The following COG5 variants were observed in gnomAD, a reference collection of about 807,000 sequenced individuals.
COG5 encodes the protein conserved oligomeric Golgi complex subunit 5.
In COG5, 86 loss-of-function variants were observed where a neutral mutation model predicts 110.4. That is an observed-to-expected ratio of 0.78 (90% CI 0.65 to 0.93). COG5 has a LOEUF of 0.93. COG5 is among the 40% of genes least tolerant of loss of function. The probability of loss-of-function intolerance (pLI) is 0.00; values close to 1 mark genes in which losing one functional copy is unlikely to be tolerated. For missense variants in COG5, 1,077 were observed against 987.0 expected, an observed-to-expected ratio of 1.09 and a Z score of -1.22; for synonymous variants, 360 against 334.6, an observed-to-expected ratio of 1.08 and a Z score of -0.83.
At chr7:107,356,986 ACT>A (rs1052090073) in intron 10 of COG5, among the ~76,000 whole-genome samples, 30 of 152,072 alleles carry the variant, frequency 2.0e-4, no homozygotes, top group Non-Finnish European at 3.8e-4. Flanking sequence ...TGCATATATC[ACT>A]CTTCAGTGAC....
chr7:107,218,685 T>C (rs1799689457), intron 19 of COG5, among the ~76,000 whole-genome samples: 1 of 151,998 alleles, frequency 6.6e-6, no homozygotes. Context: ...GGTCATACCA[T>C]ATAAAAAATC....
intron 6 of COG5, among the ~76,000 whole-genome samples, chr7:107,501,570 T>G (rs1798636052): frequency 6.6e-6 from 1 of 152,154 alleles, no homozygotes; most frequent in South Asian, 2.1e-4. Context: ...CCTGAATTTT[T>G]TACACTATAT....
chr7:107,204,018 G>T (rs1798560369), intron 21 of COG5, among the ~76,000 whole-genome samples: 1 of 152,188 alleles, frequency 6.6e-6, no homozygotes, highest in Non-Finnish European at 1.5e-5. Flanking sequence ...CCTCTGAAAG[G>T]CACGCTCAAG....
intron 6 of COG5, among the ~76,000 whole-genome samples, chr7:107,476,890 G>A (rs1797029779): frequency 6.6e-6 from 1 of 151,412 alleles, no homozygotes; most frequent in South Asian, 2.1e-4. Flanking sequence ...CTAATCCTTG[G>A]AGAAATGAAT....
chr7:107,284,228 T>C (rs1463027597), intron 12 of COG5, among the ~76,000 whole-genome samples: 1 of 152,172 alleles, frequency 6.6e-6, no homozygotes, highest in South Asian at 2.1e-4. Context: ...CCGGCCTATA[T>C]TAACATTTTA....
intron 6 of COG5, among the ~76,000 whole-genome samples, chr7:107,423,415 G>A (rs1303735535): frequency 6.6e-6 from 1 of 152,126 alleles, no homozygotes; most frequent in Non-Finnish European, 1.5e-5. Context: ...GATTATCTGA[G>A]TTGATCTAGA....
intron 7 of COG5, among the ~76,000 whole-genome samples, chr7:107,399,129 G>T (rs1791236937): frequency 6.6e-6 from 1 of 152,054 alleles, no homozygotes; most frequent in Admixed American, 6.5e-5. Flanking sequence ...TTGATTCCAG[G>T]AGATGGAGGT....
At chr7:107,320,577 GATGC>G (rs1349120153) in intron 11 of COG5, among the ~76,000 whole-genome samples, 1 of 152,182 alleles carries the variant, frequency 6.6e-6, no homozygotes, top group Non-Finnish European at 1.5e-5. Context: ...CCTAAGTCAT[GATGC>G]ATATCAAGGG....
chr7:107,492,163 T>A (rs1337989993), intron 6 of COG5, among the ~76,000 whole-genome samples: 3 of 98,616 alleles, frequency 3.0e-5, no homozygotes, highest in Non-Finnish European at 4.6e-5. Context: ...AAAACAACAA[T>A]GGGTAGTGTG....
chr7:107,329,496 A>G (rs1244745322), intron 10 of COG5, among the ~76,000 whole-genome samples: 1 of 152,170 alleles, frequency 6.6e-6, no homozygotes, highest in African/African-American at 2.4e-5. Context: ...ATACACATAT[A>G]TAATAGTATA....
At position 107,395,541 on chromosome 7, in the gene COG5, CTTTTTTTTTTTTTTTTTTTT is replaced by C. The variant is rs67581814; in HGVS notation, c.669+16941_669+16960del. The stretch of plus-strand genomic sequence containing the variant: ...AAATCGTCTTTACCATGAAGCAGAT[CTTTTTTTTTTTTTTTTTTTT>C]TTTTTTTTTTGAGAAGGAATTTTAC... On this transcript the variant is annotated intron_variant, in intron 7 of 21. Coordinates refer to ENST00000297135, the MANE Select transcript of COG5 (RefSeq NM_006348.5). 8.2e-4 allele frequency among the ~76,000 whole-genome samples: 41 copies of C among 50,044 alleles called. 2 individuals are homozygous for C. In the South Asian group the frequency reaches 0.029, roughly 35 times the overall value. 32.8% of individuals were successfully genotyped at this position (50,044 alleles called of 152,430 possible).
At chr7:107,387,618 CCTCT>C (rs1790306192) in intron 7 of COG5, among the ~76,000 whole-genome samples, 1 of 152,204 alleles carries the variant, frequency 6.6e-6, no homozygotes, top group African/African-American at 2.4e-5. Context: ...TAAACAGTAA[CCTCT>C]GAAGGGAAAT....
At chr7:107,307,817 G>C (rs1014216380) in intron 11 of COG5, among the ~76,000 whole-genome samples, 2 of 142,736 alleles carry the variant, frequency 1.4e-5, no homozygotes, top group Non-Finnish European at 3.2e-5. Context: ...TACACCCACT[G>C]CTTGGGTGAT....
chr7:107,399,834 T>C (rs1304702749), intron 7 of COG5, among the ~76,000 whole-genome samples: 2 of 152,118 alleles, frequency 1.3e-5, no homozygotes, highest in African/African-American at 4.8e-5. Flanking sequence ...TCAGTAGTTA[T>C]TAAGAAAATG....
chr7:107,334,133 G>T (rs988284178), intron 10 of COG5, among the ~76,000 whole-genome samples: 1 of 152,064 alleles, frequency 6.6e-6, no homozygotes, highest in Non-Finnish European at 1.5e-5. Context: ...TGCAGCACTG[G>T]TCAAGCTACG....
Position 107,203,338 on chromosome 7 carries a change from C to T in COG5, c.*178G>A. 1 of 615,954 alleles carries T rather than the reference C, an allele frequency of 1.6e-6. No homozygotes were observed. The highest frequency in any genetic ancestry group is 1.9e-5 in the South Asian group (1 of 52,466). 38.2% of individuals were successfully genotyped at this position (615,954 alleles called of 1,614,324 possible). On this transcript the variant is annotated 3_prime_UTR_variant, in exon 22 of 22. Coordinates refer to ENST00000297135, the MANE Select transcript of COG5 (RefSeq NM_006348.5). ...ATGGAATTGAAAGGTGGTGATAACT[C>T]AACATTTTTTATGCTAAAGTATAAG...
At chr7:107,295,064 CACATATATATATAT>C (rs1405023636) in intron 12 of COG5, among the ~76,000 whole-genome samples, 3 of 54,380 alleles carry the variant, frequency 5.5e-5, no homozygotes, top group African/African-American at 3.9e-4. Context: ...CACACACACA[CACATATATATATAT>C]ATATATATAT....
chr7:107,451,815 C>G (rs574018995), intron 6 of COG5, among the ~76,000 whole-genome samples: 13 of 152,204 alleles, frequency 8.5e-5, no homozygotes, highest in African/African-American at 3.1e-4. Context: ...AAATAACATA[C>G]AAAATATGTG....
At chr7:107,401,581 T>A (rs1050063288) in intron 7 of COG5, among the ~76,000 whole-genome samples, 1 of 152,190 alleles carries the variant, frequency 6.6e-6, no homozygotes, top group East Asian at 1.9e-4. Context: ...ACGCGAGCTC[T>A]TACTACATTC....
Sources: gnomAD v4.1 joint callset for allele counts (sites outside exome capture counted in the v4.1 genomes callset) on GRCh38, gnomAD v4.1.1 for gene constraint, MANE v1.5 for transcripts, NCBI Gene and HGNC (gene_info 2026-07-23, HGNC 2026-07-21) for gene names.